Variants in DHX33 observed in about 807,000 individuals in gnomAD.
DHX33 encodes DEAH-box helicase 33.
A neutral mutation model predicts 72.5 loss-of-function variants in DHX33; 42 were observed. The ratio of observed to expected loss-of-function variants is 0.58; its 90% CI spans 0.45 to 0.75. DHX33 has a LOEUF of 0.75. Among genes scored for constraint, DHX33 ranks in the 30% least tolerant of loss-of-function variants. The probability of loss-of-function intolerance (pLI) is 0.00; values close to 1 mark genes in which losing one functional copy is unlikely to be tolerated. For synonymous variants in DHX33, 358 were observed against 366.1 expected (o/e 0.98, Z 0.25); for missense variants, 842 against 917.5 (o/e 0.92, Z 1.06).
Position 5,441,505 on chromosome 17 carries a change from A to C in DHX33, c.*2700T>G, listed in dbSNP as rs1176249574. 7.6e-6 allele frequency: 1 copy of C among 132,072 alleles called. No individual in the cohort carries two copies. Among genetic ancestry groups the C allele is most frequent in the Admixed American group, 7.4e-5 (1 of 13,506 alleles). 8.2% of individuals were successfully genotyped at this position (132,072 alleles called of 1,614,324 possible). ...ACACCATCAGAGATTTTACCAATGG[A>C]AAGAGAGTAGCTGAAGATTATATTG... On this transcript the variant is annotated 3_prime_UTR_variant, in exon 12 of 12. Transcript: ENST00000225296.
chr17:5,463,704 GAAAA>G lies in DHX33; in HGVS notation c.290-19_290-16del. ...GCCAGTTTCCCCTAGGAGAGAGGGG[GAAAA>G]AAAAAAAAGGCTCACTGAAATGCAA... On this transcript the variant is annotated splice_polypyrimidine_tract_variant and intron_variant, in intron 1 of 11. Coordinates refer to ENST00000225296, the MANE Select transcript of DHX33 (RefSeq NM_020162.4). The G allele has an allele frequency of 3.7e-6, 5 of 1,346,716 alleles. No individual in the cohort carries two copies. Among genetic ancestry groups the G allele is most frequent in the Non-Finnish European group, 3.0e-6 (3 of 991,308 alleles). The allele number at this position is 1,346,716 out of a possible 1,614,324, so 83.4% of individuals were successfully genotyped here.
intron 10 of DHX33, among the ~76,000 whole-genome samples, chr17:5,449,397 A>C (rs1483164048): frequency 6.8e-6 from 1 of 147,922 alleles, no homozygotes; most frequent in Admixed American, 6.9e-5. Flanking sequence ...ACAGAAAACA[A>C]AACAGAAATG....
chr17:5,455,051 G>A (rs1276440867), intron 6 of DHX33, 109 bp downstream of exon 6: 2 of 1,014,282 alleles, frequency 2.0e-6, no homozygotes, highest in Admixed American at 3.8e-5. Context: ...CCTGCCACCT[G>A]AATTTGTTAG....
intron 1 of DHX33, among the ~76,000 whole-genome samples, chr17:5,468,295 T>A (rs1263994382): frequency 6.6e-6 from 1 of 152,168 alleles, no homozygotes. Flanking sequence ...GATCCACTCT[T>A]CTAAGATCCG....
chr17:5,451,169 G>A lies in DHX33; in HGVS notation c.1397-235C>T, dbSNP rs550668358. Among the ~76,000 whole-genome samples, 53 of 152,300 alleles carry A rather than the reference G, an allele frequency of 3.5e-4. 2 individuals carry two copies. The highest frequency in any genetic ancestry group is 3.0e-3 in the Admixed American group (46 of 15,300). On this transcript the variant is annotated intron_variant, in intron 8 of 11. Transcript: ENST00000225296. ...TGCCCACACTGAAGTGCAATGGCGT[G>A]ATCTCGGCTCATTGCAGCCTCTGCC...
At chr17:5,453,692 T>C in intron 7 of DHX33, 24 bp from the exon 8 acceptor site, 1 of 1,613,454 alleles carries the variant, frequency 6.2e-7, no homozygotes, top group Non-Finnish European at 8.5e-7. Flanking sequence ...GAGACCAGGG[T>C]CATGACCTGA....
Position 5,468,819 on chromosome 17 carries a change from C to A in DHX33, c.41G>T (p.Arg14Leu), listed in dbSNP as rs1053657707. The A allele has an allele frequency of 6.3e-7, 1 of 1,581,506 alleles. No homozygotes were observed. Among genetic ancestry groups the A allele is most frequent in the Non-Finnish European group, 8.6e-7 (1 of 1,164,450 alleles). ...EAGFPPAKRF[R>L]PGSGPPSRAG... Reference sequence around the variant, plus strand: ...GCGGCTCGGAGGTCCAGAGCCTGGCCGGAATCTCTTGGCCGGCGGGAAGCC... The same window carrying A: ...GCGGCTCGGAGGTCCAGAGCCTGGCAGGAATCTCTTGGCCGGCGGGAAGCC... Residue 14 changes from arginine (R) to leucine (L), a missense_variant, in exon 1 of 12, where the codon CGG becomes CTG. Physicochemically the swap from Arg to Leu is moderately radical, Grantham distance 102 (BLOSUM62 -2). Transcript: ENST00000225296.
At chr17:5,467,395 T>C (rs1038934994) in intron 1 of DHX33, among the ~76,000 whole-genome samples, 2 of 152,154 alleles carry the variant, frequency 1.3e-5, no homozygotes, top group African/African-American at 4.8e-5. Context: ...TCCCTCCTCC[T>C]TTTTATAACT....
chr17:5,452,091 G>A (rs1421256817), intron 8 of DHX33, among the ~76,000 whole-genome samples: 1 of 141,570 alleles, frequency 7.1e-6, no homozygotes, highest in Non-Finnish European at 1.5e-5. Flanking sequence ...GGGTGGGGGG[G>A]ACTCCTGGGG....
intron 4 of DHX33, among the ~76,000 whole-genome samples, chr17:5,458,092 A>G (rs1597361563): frequency 6.6e-6 from 1 of 152,284 alleles, no homozygotes; most frequent in Non-Finnish European, 1.5e-5. Context: ...AGTATAGAGT[A>G]GTTAAAGCCT....
At position 5,455,312 on chromosome 17, in the gene DHX33, G is replaced by A. The variant is rs373409062; in HGVS notation, c.1036-41C>T. ...AAACCAAAAAGCCGCATTGACACACGGATGATTCAGAAGTCTTCAAACATA... is the reference window on the plus strand; with the variant it reads ...AAACCAAAAAGCCGCATTGACACACAGATGATTCAGAAGTCTTCAAACATA... On this transcript the variant is annotated intron_variant, in intron 5 of 11. Transcript: ENST00000225296. The A allele has an allele frequency of 1.8e-5, 28 of 1,522,844 alleles. No homozygotes were observed. The East Asian group carries it at 2.0e-4, about 11-fold the overall frequency. The allele number at this position is 1,522,844 out of a possible 1,614,324, so 94.3% of individuals were successfully genotyped here.
intron 11 of DHX33, among the ~76,000 whole-genome samples, chr17:5,445,251 G>C (rs966417605): frequency 1.3e-5 from 2 of 151,962 alleles, no homozygotes; most frequent in African/African-American, 4.8e-5. Context: ...GCTAATTTTT[G>C]TATTTTTAGT....
rs1181731762 is a variant in DHX33, at chr17:5,462,474, G to T, written c.523C>A (p.Leu175Ile). The stretch of plus-strand genomic sequence containing the variant: ...GAGTCTGAAATTGCTTCACGCAGAA[G>T]CATGCCATCTGTCAGAAACTTGATC... ...TRIKFLTDGMLLREAISDSLL... is the reference protein window; with the variant it reads ...TRIKFLTDGMILREAISDSLL... The change falls in exon 3 of 12, where the codon CTT becomes ATT. Residue 175 changes from leucine (L) to isoleucine (I), a missense_variant. Transcript: ENST00000225296. The T allele has an allele frequency of 6.2e-7, 1 of 1,614,228 alleles. No individual in the cohort carries two copies. The highest frequency in any genetic ancestry group is 1.7e-5 in the Admixed American group (1 of 60,022).
At chr17:5,464,290 A>G (rs764454455) in intron 1 of DHX33, among the ~76,000 whole-genome samples, 6 of 152,204 alleles carry the variant, frequency 3.9e-5, no homozygotes, top group Non-Finnish European at 7.3e-5. Context: ...TGATCACACC[A>G]CTACACTCCA....
intron 2 of DHX33, 99 bp downstream of exon 2, chr17:5,463,430 T>C (rs1904732139): frequency 1.6e-6 from 2 of 1,246,628 alleles, no homozygotes; most frequent in African/African-American, 3.0e-5. Context: ...AGCAGCTCAC[T>C]ATGTAAAAGG....
intron 5 of DHX33, among the ~76,000 whole-genome samples, 176 bp downstream of exon 5, chr17:5,455,821 G>A (rs1917164613): frequency 1.3e-5 from 2 of 152,150 alleles, no homozygotes; most frequent in South Asian, 4.1e-4. Context: ...CCTGTCACAG[G>A]AGCGCTGCGT....
In DHX33 at chr17:5,448,961, G is replaced by T. The variant is rs1391687021; in HGVS notation, c.1729-66C>A. On this transcript the variant is annotated intron_variant, in intron 10 of 11. Transcript: ENST00000225296. ...CCATTTATATGTTCACAGAGACGGG[G>T]TCTTGCTCTGTTCCCTAGGCTGGAG... The T allele has an allele frequency of 3.1e-6, 4 of 1,286,328 alleles. No individual in the cohort carries two copies. In the East Asian group the frequency reaches 7.3e-5, roughly 23 times the overall value. 79.7% of individuals were successfully genotyped at this position (1,286,328 alleles called of 1,614,324 possible). A position where few individuals can be genotyped will look rare whatever the true frequency, so the allele number is the denominator to read the frequency against.
chr17:5,460,843 T>A (rs1402733654), intron 4 of DHX33, 96 bp downstream of exon 4: 2 of 1,429,300 alleles, frequency 1.4e-6, no homozygotes, highest in Non-Finnish European at 1.9e-6. Flanking sequence ...CACAAAGTTG[T>A]TTTATTCAGT....
intron 3 of DHX33, 21 bp downstream of exon 3, chr17:5,462,298 C>T (rs1415052047): frequency 6.2e-7 from 1 of 1,606,304 alleles, no homozygotes; most frequent in Non-Finnish European, 8.5e-7. Context: ...CTCATACTTT[C>T]AGGGGAAGTT....
Sources: gnomAD v4.1 joint callset for allele counts (sites outside exome capture counted in the v4.1 genomes callset) on GRCh38, gnomAD v4.1.1 for gene constraint, MANE v1.5 for transcripts, NCBI Gene and HGNC (gene_info 2026-07-23, HGNC 2026-07-21) for gene names.